Variants in MARCHF3 observed in about 807,000 individuals in gnomAD.
MARCHF3 encodes the protein membrane associated ring-CH-type finger 3, also known as E3 ubiquitin-protein ligase MARCHF3.
Under a neutral mutation model 24.2 loss-of-function variants are expected in MARCHF3, and 13 were observed. That is an observed-to-expected ratio of 0.54 (90% CI 0.35 to 0.85). The LOEUF (loss-of-function observed/expected upper bound fraction) is 0.85. Ranked by LOEUF, MARCHF3 falls within the 40% of genes least tolerant of loss-of-function variation. The probability of loss-of-function intolerance (pLI) is 0.01; values close to 1 mark genes in which losing one functional copy is unlikely to be tolerated. For missense variants in MARCHF3, 276 were observed against 325.0 expected, an observed-to-expected ratio of 0.85 and a Z score of 1.16; for synonymous variants, 144 against 137.3, an observed-to-expected ratio of 1.05 and a Z score of -0.34.
At chr5:127,001,575 C>T (rs1474077733) in intron 1 of MARCHF3, among the ~76,000 whole-genome samples, 4 of 152,180 alleles carry the variant, frequency 2.6e-5, no homozygotes, top group African/African-American at 9.7e-5. Flanking sequence ...TCCCATTCCT[C>T]ACCCCACACA....
chr5:126,888,953 T>A (rs552596992), intron 3 of MARCHF3, among the ~76,000 whole-genome samples: 14 of 152,234 alleles, frequency 9.2e-5, no homozygotes, highest in Admixed American at 2.6e-4. Flanking sequence ...TTAGTAGAGA[T>A]GGGGTTTTGC....
chr5:127,010,039 G>A (rs1204817323), intron 1 of MARCHF3, among the ~76,000 whole-genome samples: 1 of 152,160 alleles, frequency 6.6e-6, no homozygotes, highest in African/African-American at 2.4e-5. Context: ...AGAGGAACCT[G>A]GTGACTCCTG....
chr5:126,902,779 G>C (rs1754151561), intron 3 of MARCHF3, among the ~76,000 whole-genome samples: 1 of 152,100 alleles, frequency 6.6e-6, no homozygotes, highest in African/African-American at 2.4e-5. Context: ...CAAAACAAGA[G>C]ACAAATTCAA....
rs1753222973 is a variant in MARCHF3 at position 126,878,037 on chromosome 5, T to G, written c.603+148A>C. The stretch of plus-strand genomic sequence containing the variant: ...AAACACACACACACACACATAGTCA[T>G]AAACCAAATCTCATGCTCCCGCCAG... On this transcript the variant is annotated intron_variant, in intron 4 of 4. Transcript: ENST00000308660. 4.1e-6 allele frequency: 3 copies of G among 725,504 alleles called. No individual in the cohort carries two copies. The South Asian group carries it at 5.5e-5, about 13-fold the overall frequency. The allele number at this position is 725,504 out of a possible 1,614,324, so 44.9% of individuals were successfully genotyped here.
At chr5:126,929,415 G>A (rs1055634840) in intron 1 of MARCHF3, among the ~76,000 whole-genome samples, 2 of 152,152 alleles carry the variant, frequency 1.3e-5, no homozygotes, top group African/African-American at 4.8e-5. Context: ...ACAATTCTAA[G>A]GGTCTAATGA....
At position 126,946,563 on chromosome 5, in the gene MARCHF3, G is replaced by A. The variant is rs548671123; in HGVS notation, c.-56-28336C>T. ...ACATGACATTGTGGGCGAGTCCTGG[G>A]GGCTGGGAGAAGGGGTCCTACCCCA... On this transcript the variant is annotated intron_variant, in intron 1 of 4. Transcript: ENST00000308660. Among the ~76,000 whole-genome samples the A allele has an allele frequency of 8.5e-5, 13 of 152,132 alleles. No individual in the cohort carries two copies. The East Asian group carries it at 2.5e-3, about 29-fold the overall frequency.
At chr5:126,993,558 G>A (rs991916366) in intron 1 of MARCHF3, among the ~76,000 whole-genome samples, 7 of 152,126 alleles carry the variant, frequency 4.6e-5, no homozygotes, top group African/African-American at 7.2e-5. Context: ...GGAGGACCTC[G>A]GAAATAACTA....
At chr5:126,959,902 C>T (rs1439332804) in intron 1 of MARCHF3, among the ~76,000 whole-genome samples, 1 of 152,080 alleles carries the variant, frequency 6.6e-6, no homozygotes, top group Non-Finnish European at 1.5e-5. Context: ...GTACCTTTGT[C>T]TCCTAGGTTA....
intron 3 of MARCHF3, among the ~76,000 whole-genome samples, chr5:126,892,902 G>A (rs1454372001): frequency 6.6e-6 from 1 of 151,678 alleles, no homozygotes; most frequent in Non-Finnish European, 1.5e-5. Context: ...GAATTCAGCT[G>A]TGAATCCATC....
intron 1 of MARCHF3, among the ~76,000 whole-genome samples, chr5:127,005,993 G>C (rs1364381862): frequency 6.6e-6 from 1 of 151,996 alleles, no homozygotes; most frequent in African/African-American, 2.4e-5. Flanking sequence ...CTTGAGGTCA[G>C]GAGTTCAAGA....
At chr5:126,934,432 A>AT (rs34440613) in intron 1 of MARCHF3, among the ~76,000 whole-genome samples, 3,580 of 142,638 alleles carry the variant, frequency 0.025, 81 homozygotes, top group African/African-American at 0.058. Context: ...GGTAGCCTCT[A>AT]TTTTTTTTTT....
At chr5:126,979,966 A>G (rs1219450648) in intron 1 of MARCHF3, among the ~76,000 whole-genome samples, 1 of 151,786 alleles carries the variant, frequency 6.6e-6, no homozygotes, top group Non-Finnish European at 1.5e-5. Context: ...AAAAAAAAAA[A>G]AAAAAGAAAT....
At chr5:126,876,391 A>G (rs927857171) in intron 4 of MARCHF3, among the ~76,000 whole-genome samples, 3 of 152,224 alleles carry the variant, frequency 2.0e-5, no homozygotes, top group African/African-American at 7.2e-5. Flanking sequence ...GTACTTTCCC[A>G]TAAACACTTT....
At chr5:126,885,579 T>G (rs1753487368) in intron 3 of MARCHF3, among the ~76,000 whole-genome samples, 1 of 151,992 alleles carries the variant, frequency 6.6e-6, no homozygotes, top group South Asian at 2.1e-4. Context: ...AATCTTGATT[T>G]AAAAAATATA....
intron 1 of MARCHF3, among the ~76,000 whole-genome samples, chr5:126,952,877 C>T (rs1750301998): frequency 1.3e-5 from 2 of 152,008 alleles, no homozygotes; most frequent in African/African-American, 4.8e-5. Context: ...AATTGTCTTC[C>T]ACAGATTCTC....
intron 3 of MARCHF3, among the ~76,000 whole-genome samples, chr5:126,911,610 G>A (rs962021539): frequency 2.0e-5 from 3 of 152,182 alleles, no homozygotes; most frequent in African/African-American, 7.2e-5. Context: ...ATAGATGATT[G>A]CAATGTAGTG....
At chr5:126,938,551 C>CAA (rs780942587) in intron 1 of MARCHF3, among the ~76,000 whole-genome samples, 4 of 130,586 alleles carry the variant, frequency 3.1e-5, no homozygotes, top group East Asian at 2.2e-4. Flanking sequence ...GCAAAAAAAG[C>CAA]AAAAAAAAAA....
At chr5:127,018,042 GC>G (rs1340593249) in intron 1 of MARCHF3, among the ~76,000 whole-genome samples, 1 of 152,124 alleles carries the variant, frequency 6.6e-6, no homozygotes, top group African/African-American at 2.4e-5. Context: ...AGTAGGGGAG[GC>G]AGATAAAAAC....
At chr5:126,973,356 T>G (rs1303834535) in intron 1 of MARCHF3, among the ~76,000 whole-genome samples, 1 of 152,252 alleles carries the variant, frequency 6.6e-6, no homozygotes, top group Non-Finnish European at 1.5e-5. Flanking sequence ...GTAAACACAT[T>G]CTGTATCAGC....
Sources: allele counts gnomAD v4.1 joint callset (sites outside exome capture counted in the v4.1 genomes callset), GRCh38; gene constraint gnomAD v4.1.1; transcripts MANE v1.5; gene names NCBI Gene and HGNC (gene_info 2026-07-23, HGNC 2026-07-21).